Variants in ABL1 observed in about 807,000 individuals in gnomAD.
ABL1 encodes ABL proto-oncogene 1, non-receptor tyrosine kinase.
Under a neutral mutation model 94.7 loss-of-function variants are expected in ABL1, and 11 were observed. The ratio of observed to expected loss-of-function variants is 0.12; its 90% confidence interval spans 0.07 to 0.19. The LOEUF is 0.19. Ranked by LOEUF, ABL1 falls within the 10% of genes least tolerant of loss-of-function variation. The probability of loss-of-function intolerance (pLI) is 1.00; values close to 1 mark genes in which losing one functional copy is unlikely to be tolerated. For synonymous variants in ABL1, 656 were observed against 622.4 expected (o/e 1.05, Z -0.80); for missense variants, 1,082 against 1,489.4 (o/e 0.73, Z 4.50).
At chr9:130,844,777 A>G (rs967717532) in intron 1 of ABL1, among the ~76,000 whole-genome samples, 4 of 152,168 alleles carry the variant, frequency 2.6e-5, no homozygotes, top group African/African-American at 7.2e-5. Context: ...CTCCAGCCTG[A>G]ATGACAAGAG....
At chr9:130,763,694 A>G (rs1832145851) in intron 1 of ABL1, among the ~76,000 whole-genome samples, 1 of 152,206 alleles carries the variant, frequency 6.6e-6, no homozygotes, top group African/African-American at 2.4e-5. Context: ...GTGTCCTCAC[A>G]ACATGTCAGC....
At chr9:130,733,574 A>ATTTT (rs1382683004) in intron 1 of ABL1, among the ~76,000 whole-genome samples, 1 of 104,110 alleles carries the variant, frequency 9.6e-6, no homozygotes, top group African/African-American at 5.6e-5. Context: ...GCTGTAAAGC[A>ATTTT]CTTTTTTTTT....
intron 1 of ABL1, among the ~76,000 whole-genome samples, chr9:130,767,779 G>A (rs915845330): frequency 5.9e-5 from 9 of 152,204 alleles, no homozygotes; most frequent in Non-Finnish European, 1.0e-4. Context: ...TCACACACAC[G>A]TACACACACA....
chr9:130,736,121 G>GT (rs1164422833), intron 1 of ABL1, among the ~76,000 whole-genome samples: 1 of 151,208 alleles, frequency 6.6e-6, no homozygotes, highest in Non-Finnish European at 1.5e-5. Context: ...ATGCCTGGCT[G>GT]TTTTTTGTAT....
At chr9:130,812,939 C>T (rs1157578327) in intron 1 of ABL1, among the ~76,000 whole-genome samples, 2 of 152,190 alleles carry the variant, frequency 1.3e-5, no homozygotes, top group African/African-American at 4.8e-5. Flanking sequence ...GTAGACCCGG[C>T]GGGTTGGCTC....
chr9:130,773,167 A>G (rs1363656595), intron 1 of ABL1, among the ~76,000 whole-genome samples: 5 of 152,040 alleles, frequency 3.3e-5, no homozygotes, highest in African/African-American at 1.2e-4. Context: ...CTGAAAATAC[A>G]AAATTAGCCG....
At chr9:130,752,899 C>T in intron 1 of ABL1, among the ~76,000 whole-genome samples, 1 of 150,404 alleles carries the variant, frequency 6.6e-6, no homozygotes, top group East Asian at 2.0e-4. Flanking sequence ...GCGGAGGTTG[C>T]AGTGAGCCAA....
At chr9:130,747,632 C>T (rs759131077) in intron 1 of ABL1, among the ~76,000 whole-genome samples, 1 of 152,122 alleles carries the variant, frequency 6.6e-6, no homozygotes, top group East Asian at 1.9e-4. Flanking sequence ...AGGCTGGTCT[C>T]GAACTCCTGA....
intron 10 of ABL1, 80 bp from the exon 11 acceptor site, chr9:130,883,889 T>C (rs1831510517): frequency 6.7e-7 from 1 of 1,502,930 alleles, no homozygotes; most frequent in East Asian, 2.3e-5. Context: ...AGTGGCACTC[T>C]GCCTCCCGGG....
intron 1 of ABL1, among the ~76,000 whole-genome samples, chr9:130,827,275 T>C (rs1162155973): frequency 6.6e-6 from 1 of 152,168 alleles, no homozygotes; most frequent in Non-Finnish European, 1.5e-5. Flanking sequence ...AAGGAAGAGA[T>C]TGAAATATTC....
chr9:130,844,616 C>T (rs1389828805), intron 1 of ABL1, among the ~76,000 whole-genome samples: 1 of 152,074 alleles, frequency 6.6e-6, no homozygotes, highest in Non-Finnish European at 1.5e-5. Context: ...GCCTGGCCAA[C>T]ATGGTGAAAC....
chr9:130,881,690 G>C (rs1831456435), intron 10 of ABL1, among the ~76,000 whole-genome samples: 1 of 152,192 alleles, frequency 6.6e-6, no homozygotes, highest in African/African-American at 2.4e-5. Flanking sequence ...TTGGAGGTGG[G>C]GGGTAGGCCA....
intron 1 of ABL1, among the ~76,000 whole-genome samples, chr9:130,771,428 A>G (rs1239829245): frequency 2.6e-5 from 4 of 152,176 alleles, no homozygotes; most frequent in African/African-American, 9.7e-5. Flanking sequence ...TTAGCTTGAT[A>G]ACTTATACAG....
upstream of ABL1, chr9:130,834,747 C>A: frequency 2.4e-6 from 1 of 410,954 alleles, no homozygotes; most frequent in Non-Finnish European, 5.0e-6. Flanking sequence ...TGTGGTTGTC[C>A]TGTGGGTGCC....
intron 1 of ABL1, among the ~76,000 whole-genome samples, chr9:130,761,305 C>T (rs1194466020): frequency 6.6e-6 from 1 of 152,076 alleles, no homozygotes; most frequent in Non-Finnish European, 1.5e-5. Flanking sequence ...CAGCCTTTGG[C>T]ATACCATTAA....
At chr9:130,760,299 C>G (rs990387638) in intron 1 of ABL1, among the ~76,000 whole-genome samples, 1 of 152,120 alleles carries the variant, frequency 6.6e-6, no homozygotes, top group Non-Finnish European at 1.5e-5. Flanking sequence ...TAGGACTTCT[C>G]TATTAAGAGC....
Position 130,885,801 on chromosome 9 carries a change from C to T in ABL1, c.*118C>T. 5 of 1,358,212 alleles carry T rather than the reference C, an allele frequency of 3.7e-6. No individual in the cohort carries two copies. The highest frequency in any genetic ancestry group is 4.9e-6 in the Non-Finnish European group (5 of 1,018,018). 84.1% of individuals were successfully genotyped at this position (1,358,212 alleles called of 1,614,324 possible). ...GTGAGTCAGCACCTTGGCCCAGGAG[C>T]TCTGCGCCAGGCAGAGCTGAGGGCC... On this transcript the variant is annotated 3_prime_UTR_variant, in exon 11 of 11. Coordinates refer to ENST00000318560, the MANE Select transcript of ABL1 (RefSeq NM_005157.6).
At chr9:130,714,641 A>G in intron 1 of ABL1, 1 of 795,972 alleles carries the variant, frequency 1.3e-6, no homozygotes, top group Non-Finnish European at 2.1e-6. Flanking sequence ...CTTCGGCTTT[A>G]TTCAAAATCT....
chr9:130,875,829 TCTTCTC>T (rs1317256214), intron 7 of ABL1, among the ~76,000 whole-genome samples: 2 of 152,016 alleles, frequency 1.3e-5, no homozygotes, highest in Non-Finnish European at 2.9e-5. Context: ...TCCCCTCCTC[TCTTCTC>T]CTTCTCCTTC....
Sources: allele counts gnomAD v4.1 joint callset (sites outside exome capture counted in the v4.1 genomes callset), GRCh38; gene constraint gnomAD v4.1.1; transcripts MANE v1.5; gene names NCBI Gene and HGNC (gene_info 2026-07-23, HGNC 2026-07-21).